Variants in KLRG1 observed in about 807,000 individuals in gnomAD.
KLRG1 encodes killer cell lectin-like receptor subfamily G member 1.
Under a neutral mutation model 21.8 loss-of-function variants are expected in KLRG1, and 16 were observed. The ratio of observed to expected loss-of-function variants is 0.73; its 90% confidence interval spans 0.50 to 1.11. KLRG1 has a LOEUF of 1.11. Among genes scored for constraint, KLRG1 ranks in the 50% most tolerant of loss-of-function variants. The pLI is 0.00. For synonymous variants in KLRG1, 69 were observed against 75.9 expected, an observed-to-expected ratio of 0.91 and a Z score of 0.47; for missense variants, 173 against 218.3, an observed-to-expected ratio of 0.79 and a Z score of 1.31.
At chr12:9,124,176 G>A in the KLRG1 span, among the ~76,000 whole-genome samples, 1 of 152,194 alleles carries the variant, frequency 6.6e-6, no homozygotes, top group African/African-American at 2.4e-5. Flanking sequence ...AGAGACAAGA[G>A]GATTCTCGGG....
the KLRG1 span, chr12:9,157,118 C>A: frequency 6.5e-7 from 1 of 1,532,038 alleles, no homozygotes; most frequent in South Asian, 1.2e-5. Context: ...GTGTGCTGTT[C>A]CCCTCCCTGT....
At chr12:9,028,601 G>T in the KLRG1 span, 1 of 358,980 alleles carries the variant, frequency 2.8e-6, no homozygotes, top group South Asian at 2.3e-5. Flanking sequence ...GCACCACCAC[G>T]CCCTGCTAAT....
At chr12:9,110,712 AAAC>A in the KLRG1 span, among the ~76,000 whole-genome samples, 7 of 152,116 alleles carry the variant, frequency 4.6e-5, no homozygotes, top group African/African-American at 1.7e-4. Context: ...CAAAAATTAA[AAAC>A]AATAAAAAGT....
In KLRG1 at chr12:8,989,569, G is replaced by C; in HGVS notation, c.-67G>C. ...TTAGAGATTGGGCTGTTTCCTCACT[G>C]ATACATATCCCTTCACACTTCTATA... On this transcript the variant is annotated 5_prime_UTR_variant, in exon 1 of 5. Coordinates refer to ENST00000356986, the MANE Select transcript of KLRG1 (RefSeq NM_005810.4). The C allele has an allele frequency of 1.0e-6, 1 of 994,260 alleles. No homozygotes were observed. The highest frequency in any genetic ancestry group is 1.4e-5 in the South Asian group (1 of 70,280). 61.6% of individuals were successfully genotyped at this position (994,260 alleles called of 1,614,324 possible).
the KLRG1 span, chr12:9,089,303 T>C: frequency 8.0e-7 from 1 of 1,251,126 alleles, no homozygotes; most frequent in Non-Finnish European, 1.1e-6. Context: ...CTTCAGAACA[T>C]GTGTTTTAAT....
the KLRG1 span, chr12:9,079,241 T>C: frequency 6.2e-7 from 1 of 1,612,608 alleles, no homozygotes; most frequent in African/African-American, 1.3e-5. Context: ...GTTCTTTCCT[T>C]ACCAGGTGTT....
intron 1 of KLRG1, among the ~76,000 whole-genome samples, chr12:8,974,506 G>A (rs983142133): frequency 7.9e-6 from 1 of 127,018 alleles, no homozygotes; most frequent in African/African-American, 2.6e-5. Flanking sequence ...GTTAGCTGTG[G>A]GCTTCTTTAT....
the KLRG1 span, chr12:9,135,432 G>T: frequency 2.8e-6 from 1 of 356,602 alleles, no homozygotes; most frequent in South Asian, 3.0e-5. Flanking sequence ...AATTGGAGAA[G>T]ATGGCTCCAT....
intron 1 of KLRG1, among the ~76,000 whole-genome samples, chr12:8,968,850 C>T (rs767399124): frequency 1.4e-4 from 22 of 152,156 alleles, no homozygotes; most frequent in Middle Eastern, 3.4e-3. Context: ...TTTTCTATAA[C>T]CCATGGGTCA....
chr12:9,101,880 T>G, the KLRG1 span, among the ~76,000 whole-genome samples: 3 of 152,154 alleles, frequency 2.0e-5, no homozygotes, highest in African/African-American at 7.2e-5. Flanking sequence ...CAGAGCCTCC[T>G]GGGATTGAGA....
chr12:9,092,441 G>A, the KLRG1 span, among the ~76,000 whole-genome samples: 2 of 151,888 alleles, frequency 1.3e-5, no homozygotes, highest in Admixed American at 6.6e-5. Flanking sequence ...AATACAGAGA[G>A]AACAGGCAAA....
chr12:8,967,551 G>A (rs893552420), intron 1 of KLRG1, among the ~76,000 whole-genome samples: 84 of 149,124 alleles, frequency 5.6e-4, no homozygotes, highest in African/African-American at 1.9e-3. Flanking sequence ...GCGAGACTCC[G>A]TCTCTACAAA....
chr12:9,176,782 A>G, the KLRG1 span, among the ~76,000 whole-genome samples: 1 of 152,174 alleles, frequency 6.6e-6, no homozygotes, highest in Non-Finnish European at 1.5e-5. Flanking sequence ...AGGAGTGTCA[A>G]TAGTGATTAT....
intron 3 of KLRG1, among the ~76,000 whole-genome samples, chr12:9,003,320 T>G (rs1052262638): frequency 1.3e-5 from 2 of 152,188 alleles, no homozygotes; most frequent in Non-Finnish European, 2.9e-5. Flanking sequence ...ATCACTCTTT[T>G]TTTCCTTTTG....
At chr12:9,163,031 CT>C in the KLRG1 span, among the ~76,000 whole-genome samples, 1 of 152,086 alleles carries the variant, frequency 6.6e-6, no homozygotes, top group Admixed American at 6.5e-5. Context: ...ACATAACATC[CT>C]ACTTGTTATT....
At chr12:9,005,164 T>C (rs1947431437) in intron 3 of KLRG1, among the ~76,000 whole-genome samples, 2 of 135,488 alleles carry the variant, frequency 1.5e-5, no homozygotes, top group South Asian at 2.3e-4. Context: ...TGAGAACACA[T>C]GGACACAGGG....
chr12:9,160,583 CA>C, the KLRG1 span: 17 of 1,161,484 alleles, frequency 1.5e-5, no homozygotes, highest in Admixed American at 4.2e-5. Context: ...CAGAGTCTAT[CA>C]TTTAGGTAAG....
the KLRG1 span, among the ~76,000 whole-genome samples, chr12:9,138,769 T>A: frequency 6.6e-6 from 1 of 152,106 alleles, no homozygotes; most frequent in Non-Finnish European, 1.5e-5. Flanking sequence ...GTTATTCGAT[T>A]AGTTGACATA....
chr12:9,002,569 T>TTTGTTGTTG (rs142307481), intron 3 of KLRG1, among the ~76,000 whole-genome samples: 1 of 150,982 alleles, frequency 6.6e-6, no homozygotes, highest in African/African-American at 2.4e-5. Flanking sequence ...TACCTATACT[T>TTTGTTGTTG]TTGTTGTTGT....
Sources: allele counts gnomAD v4.1 joint callset (sites outside exome capture counted in the v4.1 genomes callset), GRCh38; gene constraint gnomAD v4.1.1; transcripts MANE v1.5; gene names NCBI Gene and HGNC (gene_info 2026-07-23, HGNC 2026-07-21).